The following CYP4F22 variants were observed in gnomAD, a reference collection of about 807,000 sequenced individuals.
The protein encoded by CYP4F22 is cytochrome P450 family 4 subfamily F member 22.
CYP4F22 carries 37 observed loss-of-function variants against 60.4 expected under a neutral mutation model. That is an observed-to-expected ratio of 0.61 (90% CI 0.47 to 0.81). The LOEUF is 0.81. Ranked by LOEUF, CYP4F22 falls within the 30% of genes least tolerant of loss-of-function variation. The pLI is 0.00. For missense variants in CYP4F22, 655 were observed against 715.0 expected (o/e 0.92, Z 0.96); for synonymous variants, 258 against 280.5 (o/e 0.92, Z 0.80).
Position 15,540,651 on chromosome 19 carries a change from C to T in CYP4F22, c.873C>T (p.Ala291=), listed in dbSNP as rs747568295. Residue 291 remains alanine, a synonymous_variant, in exon 8 of 14, where the codon GCC becomes GCT. Coordinates refer to ENST00000269703, the MANE Select transcript of CYP4F22 (RefSeq NM_173483.4). ...ERRRALRQQG[A]EAWLKAKQGK... is the part of the protein sequence containing the mutation. ...GGCGGGCACTGCGTCAGCAGGGGGC[C>T]GAGGCCTGGCTTAAGGCCAAGCAGG... 186 of 1,613,662 alleles carry T rather than the reference C, an allele frequency of 1.2e-4. No individual in the cohort carries two copies. Among genetic ancestry groups the T allele is most frequent in the Middle Eastern group, 1.2e-3 (7 of 6,084 alleles).
intron 1 of CYP4F22, among the ~76,000 whole-genome samples, chr19:15,510,961 T>C (rs1247298802): frequency 8.5e-6 from 1 of 118,042 alleles, no homozygotes; most frequent in Non-Finnish European, 1.7e-5. Flanking sequence ...TATATATATA[T>C]ATATATTTTT....
At chr19:15,532,986 G>A (rs1428456948) in intron 4 of CYP4F22, among the ~76,000 whole-genome samples, 2 of 152,148 alleles carry the variant, frequency 1.3e-5, no homozygotes, top group Non-Finnish European at 2.9e-5. Context: ...ACACAGATCA[G>A]GCTCCAGTCA....
chr19:15,509,895 TC>T (rs1189744870), intron 1 of CYP4F22, among the ~76,000 whole-genome samples: 1 of 121,830 alleles, frequency 8.2e-6, no homozygotes, highest in Admixed American at 9.2e-5. Flanking sequence ...CTTCCTTCCT[TC>T]CTTCCTTCCT....
rs1057508710 is a variant in CYP4F22 at position 15,527,406 on chromosome 19, G to T, written c.222+1848G>T. Among the ~76,000 whole-genome samples the T allele has an allele frequency of 2.6e-5, 4 of 152,138 alleles. No homozygotes were observed. The South Asian group carries it at 8.3e-4, about 32-fold the overall frequency. On this transcript the variant is annotated intron_variant, in intron 3 of 13. Coordinates refer to ENST00000269703, the MANE Select transcript of CYP4F22 (RefSeq NM_173483.4). ...CCTGTAACAAGGCTCCCACCTCCAA[G>T]GCCTTTCCCAAAACTGTACTCTCTG... is the stretch of plus-strand genomic sequence containing the variant.
intron 1 of CYP4F22, chr19:15,516,610 C>T (rs533111227): frequency 5.3e-5 from 16 of 300,632 alleles, no homozygotes; most frequent in African/African-American, 9.0e-5. Flanking sequence ...CTTGCAGTAC[C>T]GAGGAACAAG....
intron 4 of CYP4F22, among the ~76,000 whole-genome samples, chr19:15,535,870 G>A (rs1251311453): frequency 6.6e-6 from 1 of 152,212 alleles, no homozygotes; most frequent in Non-Finnish European, 1.5e-5. Flanking sequence ...GAACCCTCCT[G>A]TTAAGGGGCT....
At position 15,517,943 on chromosome 19, in the gene CYP4F22, G is replaced by C. The variant is rs142043724; in HGVS notation, c.-108-5750G>C. ...CTTGGCCTGTGGAAGGAGTGGCCTG[G>C]AGCAGCCTGAGGTGAGCAAGTGAGG... On this transcript the variant is annotated intron_variant, in intron 1 of 13. Transcript: ENST00000269703. 6.7e-4 allele frequency among the ~76,000 whole-genome samples: 102 copies of C among 152,242 alleles called. No individual in the cohort carries two copies. The Middle Eastern group carries it at 0.01, about 15-fold the overall frequency.
rs1326989958 is a variant in CYP4F22, at chr19:15,514,174, T to C, written c.-109+5591T>C. Among the ~76,000 whole-genome samples the C allele has an allele frequency of 5.3e-5, 8 of 152,322 alleles. No homozygotes were observed. The East Asian group carries it at 7.7e-4, about 15-fold the overall frequency. On this transcript the variant is annotated intron_variant, in intron 1 of 13. Transcript: ENST00000269703. Reference sequence around the variant, plus strand: ...AATTTATACAACTGTGGGAGACTTATTCAAGGTTTTTGAAAGTCCAGGACT... The same window carrying C: ...AATTTATACAACTGTGGGAGACTTACTCAAGGTTTTTGAAAGTCCAGGACT...
chr19:15,551,262 C>T, intron 13 of CYP4F22, 32 bp from the exon 14 acceptor site: 3 of 1,600,522 alleles, frequency 1.9e-6, no homozygotes, highest in Non-Finnish European at 2.6e-6. Context: ...CACACAGAAG[C>T]TGGGCCTGAG....
In CYP4F22 at chr19:15,551,322, G is replaced by A. The variant is rs1265356032; in HGVS notation, c.1447G>A (p.Ala483Thr). The A allele has an allele frequency of 6.2e-7, 1 of 1,613,348 alleles. No individual in the cohort carries two copies. The highest frequency in any genetic ancestry group is 1.1e-5 in the South Asian group (1 of 90,836). The part of the protein sequence containing the change: ...RNCIGQSFAM[A>T]ELRVVVALTL... The stretch of plus-strand genomic sequence containing the variant: ...TTGCATCGGACAGAGCTTCGCCATG[G>A]CCGAGTTGCGCGTGGTTGTGGCACT... The change falls in exon 14 of 14, where the codon GCC (alanine) becomes ACC (threonine). Residue 483 changes from alanine (A) to threonine (T), a missense_variant. Transcript: ENST00000269703.
chr19:15,516,620 G>A (rs1971157784), intron 1 of CYP4F22: 1 of 319,408 alleles, frequency 3.1e-6, no homozygotes, highest in Non-Finnish European at 6.1e-6. Context: ...CGAGGAACAA[G>A]CATTCTATTT....
rs567122231 is a variant in CYP4F22 at position 15,545,803 on chromosome 19, G to A, written c.1136+1524G>A. 2.6e-5 allele frequency among the ~76,000 whole-genome samples: 4 copies of A among 152,148 alleles called. No homozygotes were observed. In the East Asian group the frequency reaches 7.7e-4, roughly 29 times the overall value. Reference sequence around the variant, plus strand: ...TGGCCTCAGGGGGACATGCTCAGTGGGGTGCTACTGTGTCCTGAACACTTT... The same window carrying A: ...TGGCCTCAGGGGGACATGCTCAGTGAGGTGCTACTGTGTCCTGAACACTTT... On this transcript the variant is annotated intron_variant, in intron 10 of 13. Transcript: ENST00000269703.
chr19:15,547,018 G>GTTTTTTTTTTTTTTTTTTTTTTTTTTTTT (rs71176432), intron 10 of CYP4F22, among the ~76,000 whole-genome samples: 2 of 82,330 alleles, frequency 2.4e-5, no homozygotes, highest in African/African-American at 1.1e-4. Context: ...GCCTGCACCA[G>GTTTTTTTTTTTTTTTTTTTTTTTTTTTTT]TTTTTTTTTT....
At chr19:15,521,649 A>T (rs1000250200) in intron 1 of CYP4F22, among the ~76,000 whole-genome samples, 1 of 152,000 alleles carries the variant, frequency 6.6e-6, no homozygotes, top group South Asian at 2.1e-4. Flanking sequence ...GAATGGATGG[A>T]TTATAGGGTA....
At chr19:15,510,058 T>G (rs1269784618) in intron 1 of CYP4F22, among the ~76,000 whole-genome samples, 1 of 151,932 alleles carries the variant, frequency 6.6e-6, no homozygotes, top group Non-Finnish European at 1.5e-5. Flanking sequence ...CATAGCTCAC[T>G]GCAGCCTCGA....
chr19:15,533,195 T>G (rs747870755), intron 4 of CYP4F22, among the ~76,000 whole-genome samples: 41 of 152,362 alleles, frequency 2.7e-4, no homozygotes, highest in Non-Finnish European at 4.7e-4. Context: ...ATAGAGAACA[T>G]GATGATATAT....
In CYP4F22 at chr19:15,551,560, A is replaced by AC. The variant is rs944410813; in HGVS notation, c.*95dup. On this transcript the variant is annotated 3_prime_UTR_variant, in exon 14 of 14. Coordinates refer to ENST00000269703, the MANE Select transcript of CYP4F22 (RefSeq NM_173483.4). ...CCCAAAGATCCCGAGGGCATAGGCCACCCCCCTCGAAGTTCAGGTTCAGCT... is the reference window on the plus strand; with the variant it reads ...CCCAAAGATCCCGAGGGCATAGGCCACCCCCCCTCGAAGTTCAGGTTCAGCT... 2.2e-4 allele frequency: 316 copies of AC among 1,447,828 alleles called. No homozygotes were observed. Among genetic ancestry groups the AC allele is most frequent in the Non-Finnish European group, 2.9e-4 (309 of 1,078,938 alleles). 89.7% of individuals were successfully genotyped at this position (1,447,828 alleles called of 1,614,324 possible). A position where few individuals can be genotyped will look rare whatever the true frequency, so the allele number is the denominator to read the frequency against.
intron 1 of CYP4F22, among the ~76,000 whole-genome samples, chr19:15,515,100 C>T (rs1971137908): frequency 1.3e-5 from 2 of 152,250 alleles, no homozygotes; most frequent in African/African-American, 4.8e-5. Context: ...CCTTCTTCCC[C>T]AAAGGCAGCT....
At chr19:15,538,484 C>T (rs1971424851) in intron 7 of CYP4F22, among the ~76,000 whole-genome samples, 1 of 152,172 alleles carries the variant, frequency 6.6e-6, no homozygotes, top group African/African-American at 2.4e-5. Context: ...TAACCAATGC[C>T]TTGCTTCATT....
Sources: allele counts gnomAD v4.1 joint callset (sites outside exome capture counted in the v4.1 genomes callset), GRCh38; gene constraint gnomAD v4.1.1; transcripts MANE v1.5; gene names NCBI Gene and HGNC (gene_info 2026-07-23, HGNC 2026-07-21).